Variants in SGMS1 observed in about 807,000 individuals in gnomAD.
The protein encoded by SGMS1 is phosphatidylcholine:ceramide cholinephosphotransferase 1.
In SGMS1, 13 loss-of-function variants were observed where a neutral mutation model predicts 46.2. The ratio of observed to expected loss-of-function variants is 0.28; its 90% CI spans 0.18 to 0.45. The LOEUF is 0.45. Ranked by LOEUF, SGMS1 falls within the 20% of genes least tolerant of loss-of-function variation. The probability of loss-of-function intolerance (pLI) is 1.00; values close to 1 mark genes in which losing one functional copy is unlikely to be tolerated. For synonymous variants in SGMS1, 203 were observed against 187.8 expected, an observed-to-expected ratio of 1.08 and a Z score of -0.66; for missense variants, 324 against 519.9, an observed-to-expected ratio of 0.62 and a Z score of 3.66.
chr10:50,623,072 C>A (rs1196999528), intron 1 of SGMS1, among the ~76,000 whole-genome samples: 4 of 152,038 alleles, frequency 2.6e-5, no homozygotes, highest in African/African-American at 7.2e-5. Context: ...GAGCCGCCCG[C>A]GAGCCTGGCG....
intron 5 of SGMS1, among the ~76,000 whole-genome samples, chr10:50,438,306 C>G (rs951404531): frequency 1.3e-5 from 2 of 152,198 alleles, no homozygotes; most frequent in Non-Finnish European, 2.9e-5. Flanking sequence ...AAGATTGTAA[C>G]ATCTACTCTG....
intron 2 of SGMS1, among the ~76,000 whole-genome samples, chr10:50,527,483 G>A (rs898202948): frequency 1.3e-5 from 2 of 152,158 alleles, no homozygotes; most frequent in Non-Finnish European, 2.9e-5. Flanking sequence ...GCTCTCGGTT[G>A]CACAGCCTGT....
intron 7 of SGMS1, chr10:50,340,688 A>C (rs1471707020): frequency 6.6e-6 from 1 of 152,240 alleles, no homozygotes; most frequent in Non-Finnish European, 1.5e-5. Flanking sequence ...GTAAAGGACA[A>C]TTTTATACAA....
chr10:50,587,655 G>GTA (rs1412152762), intron 2 of SGMS1, among the ~76,000 whole-genome samples: 20 of 151,424 alleles, frequency 1.3e-4, no homozygotes, highest in Admixed American at 1.1e-3. Context: ...GTGTGTGTGT[G>GTA]TGTGTGTGTG....
intron 8 of SGMS1, among the ~76,000 whole-genome samples, chr10:50,314,261 G>A (rs958855315): frequency 2.0e-5 from 3 of 152,128 alleles, no homozygotes; most frequent in Non-Finnish European, 4.4e-5. Context: ...CTAATGGTGA[G>A]GCAAGCACAA....
At chr10:50,477,423 A>G (rs1837437289) in intron 3 of SGMS1, among the ~76,000 whole-genome samples, 1 of 152,202 alleles carries the variant, frequency 6.6e-6, no homozygotes, top group African/African-American at 2.4e-5. Flanking sequence ...TTACAGGCTC[A>G]TAGGTGAAAG....
At position 50,460,785 on chromosome 10, in the gene SGMS1, T is replaced by G. The variant is rs1310534037; in HGVS notation, c.-425A>C. ...TTTCATGTTTCCCAACCAGACACTT[T>G]CGGGCATCCCAAAGAACTCAATGGT... On this transcript the variant is annotated 5_prime_UTR_variant, in exon 5 of 11. Transcript: ENST00000361781. 6.6e-6 allele frequency: 1 copy of G among 152,508 alleles called. No homozygotes were observed. Among genetic ancestry groups the G allele is most frequent in the East Asian group, 1.9e-4 (1 of 5,324 alleles). The allele number at this position is 152,508 out of a possible 1,614,324, so 9.4% of individuals were successfully genotyped here.
At chr10:50,346,786 T>C (rs571211306) in intron 6 of SGMS1, among the ~76,000 whole-genome samples, 2 of 152,188 alleles carry the variant, frequency 1.3e-5, no homozygotes, top group Admixed American at 6.5e-5. Flanking sequence ...CTGCAATCTC[T>C]ATCTCCTGGG....
intron 6 of SGMS1, among the ~76,000 whole-genome samples, chr10:50,405,936 T>A (rs1849008315): frequency 6.6e-6 from 1 of 152,146 alleles, no homozygotes; most frequent in Non-Finnish European, 1.5e-5. Context: ...TCACTATGAA[T>A]AGCACAGGTA....
At chr10:50,623,475 G>C (rs989150036) in intron 1 of SGMS1, 2 of 705,122 alleles carry the variant, frequency 2.8e-6, no homozygotes, top group African/African-American at 1.9e-5. Context: ...CGCCCCCTCC[G>C]AGCCCGGATC....
chr10:50,569,920 A>G (rs1216445763), intron 2 of SGMS1, among the ~76,000 whole-genome samples: 1 of 152,140 alleles, frequency 6.6e-6, no homozygotes, highest in Non-Finnish European at 1.5e-5. Flanking sequence ...CCAAGACTGC[A>G]TCTGGCACCT....
chr10:50,347,153 C>T (rs1402833330), intron 6 of SGMS1, among the ~76,000 whole-genome samples: 1 of 152,284 alleles, frequency 6.6e-6, no homozygotes, highest in East Asian at 1.9e-4. Context: ...TGTCTAGACT[C>T]CCCAAAGAGC....
At chr10:50,438,755 G>A (rs552732583) in intron 5 of SGMS1, among the ~76,000 whole-genome samples, 12 of 152,314 alleles carry the variant, frequency 7.9e-5, no homozygotes, top group African/African-American at 2.9e-4. Flanking sequence ...GAGCCAGGGT[G>A]AGCAATTCTG....
intron 6 of SGMS1, among the ~76,000 whole-genome samples, chr10:50,407,618 CCCCCCGCCGTAAATAA>C (rs1849034030): frequency 6.8e-6 from 1 of 147,618 alleles, no homozygotes; most frequent in Admixed American, 6.6e-5. Context: ...TTACCGCATT[CCCCCCGCCGTAAATAA>C]GAGTGGCTTT....
intron 8 of SGMS1, among the ~76,000 whole-genome samples, chr10:50,316,301 G>C (rs184426286): frequency 6.4e-4 from 97 of 152,298 alleles, no homozygotes; most frequent in Non-Finnish European, 7.2e-4. Flanking sequence ...GCAGAAATGC[G>C]ATTTAAAATA....
chr10:50,499,037 T>C (rs1240729723), intron 3 of SGMS1, among the ~76,000 whole-genome samples: 2 of 152,232 alleles, frequency 1.3e-5, no homozygotes, highest in Non-Finnish European at 2.9e-5. Flanking sequence ...ATTTTTATTT[T>C]TAAACTGGCT....
chr10:50,601,487 C>T (rs981665602), intron 1 of SGMS1, among the ~76,000 whole-genome samples: 2 of 152,198 alleles, frequency 1.3e-5, no homozygotes, highest in African/African-American at 2.4e-5. Flanking sequence ...AATGGCTAGG[C>T]AAGAACCCAC....
chr10:50,422,623 T>C (rs368372225), intron 6 of SGMS1, among the ~76,000 whole-genome samples: 9 of 152,220 alleles, frequency 5.9e-5, no homozygotes, highest in African/African-American at 2.2e-4. Context: ...TATTTGATAA[T>C]CTTGCCAAAG....
At chr10:50,357,519 G>A (rs1372195062) in intron 6 of SGMS1, among the ~76,000 whole-genome samples, 1 of 151,996 alleles carries the variant, frequency 6.6e-6, no homozygotes, top group Non-Finnish European at 1.5e-5. Flanking sequence ...GCAATGCAAC[G>A]AGACCTGGGG....
Sources: gnomAD v4.1 joint callset for allele counts (sites outside exome capture counted in the v4.1 genomes callset) on GRCh38, gnomAD v4.1.1 for gene constraint, MANE v1.5 for transcripts, NCBI Gene and HGNC (gene_info 2026-07-23, HGNC 2026-07-21) for gene names.